The following KCNIP4 variants were observed in gnomAD, a reference collection of about 807,000 sequenced individuals.
KCNIP4 encodes the protein Kv channel-interacting protein 4.
KCNIP4 carries 12 observed loss-of-function variants against 34.0 expected under a neutral mutation model. That is an observed-to-expected ratio of 0.35 (90% CI 0.23 to 0.57). The LOEUF (loss-of-function observed/expected upper bound fraction) is 0.57, where lower values mean the gene tolerates loss of function less well. KCNIP4 is among the 20% of genes least tolerant of loss of function. The pLI, the probability that KCNIP4 is intolerant of heterozygous loss-of-function variation, is 0.83. For synonymous variants in KCNIP4, 124 were observed against 102.2 expected (o/e 1.21, Z -1.29); for missense variants, 238 against 311.7 (o/e 0.76, Z 1.78).
intron 1 of KCNIP4, among the ~76,000 whole-genome samples, chr4:21,025,543 G>GTTTTAT (rs1740458659): frequency 2.9e-5 from 1 of 34,778 alleles, no homozygotes; most frequent in Non-Finnish European, 5.1e-5. Flanking sequence ...CATTGATACT[G>GTTTTAT]TTTTTTTTTT....
intron 1 of KCNIP4, among the ~76,000 whole-genome samples, chr4:21,579,437 T>C (rs1424298472): frequency 1.3e-5 from 2 of 152,216 alleles, no homozygotes; most frequent in African/African-American, 2.4e-5. Context: ...CCTTGTGCCA[T>C]GTTAAAAATT....
intron 1 of KCNIP4, among the ~76,000 whole-genome samples, chr4:21,391,167 A>G (rs898862014): frequency 7.2e-5 from 11 of 152,158 alleles, no homozygotes; most frequent in African/African-American, 2.4e-4. Flanking sequence ...TTGATATAAA[A>G]TACTATTAAG....
rs116110474 is a variant in KCNIP4, at chr4:21,898,154, A to G, written c.61+50417T>C. On this transcript the variant is annotated intron_variant, in intron 1 of 8. Coordinates refer to ENST00000382152, the MANE Select transcript of KCNIP4 (RefSeq NM_025221.6). ...CTGAGTTCCTGCAAGCCTTGCCACC[A>G]TGAGCTAAAGTGCCCTGGGGTCCTC... Among the ~76,000 whole-genome samples, 806 of 152,260 alleles carry G rather than the reference A, an allele frequency of 5.3e-3. 1 individual carries two copies. Among genetic ancestry groups the G allele is most frequent in the Non-Finnish European group, 8.5e-3 (575 of 68,000 alleles).
At chr4:20,956,418 T>C (rs951676885) in intron 1 of KCNIP4, among the ~76,000 whole-genome samples, 9 of 151,542 alleles carry the variant, frequency 5.9e-5, no homozygotes, top group African/African-American at 2.2e-4. Flanking sequence ...GGCAGGAGAA[T>C]GGCATAAACC....
intron 1 of KCNIP4, among the ~76,000 whole-genome samples, chr4:20,914,163 GA>G (rs962024459): frequency 9.1e-5 from 13 of 142,252 alleles, no homozygotes; most frequent in Admixed American, 1.4e-4. Flanking sequence ...GTCTCAAAAA[GA>G]AAAAAAAAAG....
At chr4:21,928,190 C>A (rs1040822819) in intron 1 of KCNIP4, among the ~76,000 whole-genome samples, 1 of 150,916 alleles carries the variant, frequency 6.6e-6, no homozygotes, top group Non-Finnish European at 1.5e-5. Context: ...GAGAATAAAC[C>A]CCTGGTTTGG....
chr4:21,146,158 G>A lies in KCNIP4; in HGVS notation c.62-263449C>T, dbSNP rs1181544619. Among the ~76,000 whole-genome samples, 3 of 152,198 alleles carry A rather than the reference G, an allele frequency of 2.0e-5. No individual in the cohort carries two copies. The East Asian group carries it at 5.8e-4, about 29-fold the overall frequency. On this transcript the variant is annotated intron_variant, in intron 1 of 8. Coordinates refer to ENST00000382152, the MANE Select transcript of KCNIP4 (RefSeq NM_025221.6). ...TCACGCCTGTAACCCCATCACTTTG[G>A]GAGGCTGAGGCGGGAGGATCACGAG...
At chr4:21,361,824 C>T (rs1240124122) in intron 1 of KCNIP4, among the ~76,000 whole-genome samples, 1 of 151,972 alleles carries the variant, frequency 6.6e-6, no homozygotes, top group Non-Finnish European at 1.5e-5. Flanking sequence ...TTCTACGTTG[C>T]ACTTATCATA....
chr4:21,737,401 C>T lies in KCNIP4; in HGVS notation c.61+211170G>A, dbSNP rs1277163787. Among the ~76,000 whole-genome samples, 3 of 151,886 alleles carry T rather than the reference C, an allele frequency of 2.0e-5. No individual in the cohort carries two copies. In the East Asian group the frequency reaches 5.8e-4, roughly 29 times the overall value. On this transcript the variant is annotated intron_variant, in intron 1 of 8. Transcript: ENST00000382152. ...GGCCCAAAATATGTCATGAAGTGGA[C>T]ATTCAATGAAAAGGCAAAAATATTA...
At chr4:21,283,627 C>T (rs966162641) in intron 1 of KCNIP4, among the ~76,000 whole-genome samples, 5 of 123,942 alleles carry the variant, frequency 4.0e-5, no homozygotes, top group African/African-American at 1.3e-4. Flanking sequence ...TCTATATATA[C>T]ATATGAAGCA....
chr4:21,820,820 T>C (rs558852382), intron 1 of KCNIP4, among the ~76,000 whole-genome samples: 64 of 152,294 alleles, frequency 4.2e-4, no homozygotes, highest in African/African-American at 1.5e-3. Context: ...GCTGTTCATA[T>C]GCAAAGAAAC....
intron 1 of KCNIP4, among the ~76,000 whole-genome samples, chr4:21,447,005 A>G (rs1728075563): frequency 6.6e-6 from 1 of 152,076 alleles, no homozygotes; most frequent in Non-Finnish European, 1.5e-5. Flanking sequence ...TACAGAAAAA[A>G]AAAAAGAAAA....
At chr4:20,842,758 A>T (rs186198625) in intron 3 of KCNIP4, among the ~76,000 whole-genome samples, 1 of 152,254 alleles carries the variant, frequency 6.6e-6, no homozygotes, top group Non-Finnish European at 1.5e-5. Flanking sequence ...ATGAGAGGTG[A>T]CAGTGACAGC....
At chr4:21,230,472 T>A (rs1758712794) in intron 1 of KCNIP4, among the ~76,000 whole-genome samples, 1 of 152,096 alleles carries the variant, frequency 6.6e-6, no homozygotes, top group South Asian at 2.1e-4. Flanking sequence ...CCGCGTGCAT[T>A]AGCTATTTAT....
intron 1 of KCNIP4, among the ~76,000 whole-genome samples, chr4:21,580,172 T>C (rs1425388176): frequency 1.3e-5 from 2 of 152,130 alleles, no homozygotes; most frequent in East Asian, 1.9e-4. Flanking sequence ...TGCGTTCTCA[T>C]GTTTGGAAAG....
intron 1 of KCNIP4, among the ~76,000 whole-genome samples, chr4:21,197,213 G>A (rs865919859): frequency 5.4e-4 from 82 of 152,052 alleles, no homozygotes; most frequent in African/African-American, 1.6e-3. Flanking sequence ...TAACTATTGC[G>A]AACATTCTTG....
chr4:21,272,250 G>T (rs1376264949), intron 1 of KCNIP4, among the ~76,000 whole-genome samples: 1 of 152,104 alleles, frequency 6.6e-6, no homozygotes, highest in Non-Finnish European at 1.5e-5. Flanking sequence ...AAGTGTAAAT[G>T]AATTATTGTA....
At chr4:21,235,137 T>C (rs545592599) in intron 1 of KCNIP4, among the ~76,000 whole-genome samples, 20 of 152,320 alleles carry the variant, frequency 1.3e-4, no homozygotes, top group African/African-American at 3.4e-4. Flanking sequence ...CTATTGGCTA[T>C]GAAGTCACAG....
At chr4:21,713,282 T>A (rs546560212) in intron 1 of KCNIP4, among the ~76,000 whole-genome samples, 11 of 152,294 alleles carry the variant, frequency 7.2e-5, no homozygotes, top group African/African-American at 2.6e-4. Context: ...AGATTCCAAA[T>A]TGAGAAGAAA....
Sources: gnomAD v4.1 joint callset for allele counts (sites outside exome capture counted in the v4.1 genomes callset) on GRCh38, gnomAD v4.1.1 for gene constraint, MANE v1.5 for transcripts, NCBI Gene and HGNC (gene_info 2026-07-23, HGNC 2026-07-21) for gene names.